KAZN: variants seen among roughly 807,000 people sequenced by gnomAD.
KAZN encodes the protein kazrin.
Under a neutral mutation model 87.4 loss-of-function variants are expected in KAZN, and 40 were observed. The ratio of observed to expected loss-of-function variants is 0.46; its 90% CI spans 0.36 to 0.60. The LOEUF (loss-of-function observed/expected upper bound fraction) is 0.60. Among genes scored for constraint, KAZN ranks in the 20% least tolerant of loss-of-function variants. The probability of loss-of-function intolerance (pLI) is 0.00; values close to 1 mark genes in which losing one functional copy is unlikely to be tolerated. For synonymous variants in KAZN, 466 were observed against 458.3 expected (o/e 1.02, Z -0.22); for missense variants, 898 against 1,073.9 (o/e 0.84, Z 2.29).
chr1:14,742,246 C>G (rs976504535), intron 1 of KAZN, among the ~76,000 whole-genome samples: 13 of 152,194 alleles, frequency 8.5e-5, no homozygotes, highest in African/African-American at 2.2e-4. Context: ...GGGCCTGGCT[C>G]ATAGTAGGCA....
chr1:14,640,578 G>A (rs1680341767), intron 1 of KAZN, among the ~76,000 whole-genome samples: 1 of 152,148 alleles, frequency 6.6e-6, no homozygotes, highest in Non-Finnish European at 1.5e-5. Context: ...CTTTCCAGAA[G>A]TACTCATCCA....
At chr1:14,913,724 G>A (rs1657494018) in intron 1 of KAZN, among the ~76,000 whole-genome samples, 1 of 152,252 alleles carries the variant, frequency 6.6e-6, no homozygotes, top group Non-Finnish European at 1.5e-5. Context: ...CAGGGGTGGT[G>A]GGGGCCCTGT....
chr1:14,204,093 G>A lies in KAZN; in HGVS notation c.249+23501G>A, dbSNP rs188076605. On this transcript the variant is annotated intron_variant, in intron 2 of 16. Coordinates refer to the KAZN transcript ENST00000636203. ...TTATGGGTTACTGCTTTTGGAGAAG[G>A]AAAAGAGATTGGAAGTAGGATAGTG... 6.9e-3 allele frequency among the ~76,000 whole-genome samples: 1,056 copies of A among 152,332 alleles called. 8 individuals carry two copies. Among genetic ancestry groups the A allele is most frequent in the Non-Finnish European group, 0.01 (709 of 68,026 alleles).
rs72865741 is a variant in KAZN at position 14,220,380 on chromosome 1, C to T, written c.249+39788C>T. Reference sequence around the variant, plus strand: ...TAGCTTCTCCGCTTCCTGGTCCTGACTTAGAATCTTTGAGTCATCCCTAAC... The same window carrying T: ...TAGCTTCTCCGCTTCCTGGTCCTGATTTAGAATCTTTGAGTCATCCCTAAC... On this transcript the variant is annotated intron_variant, in intron 2 of 16. Coordinates refer to the KAZN transcript ENST00000636203. Among the ~76,000 whole-genome samples, 1,183 of 152,292 alleles carry T rather than the reference C, an allele frequency of 7.8e-3. 21 individuals are homozygous for T. Among genetic ancestry groups the T allele is most frequent in the African/African-American group, 0.027 (1,123 of 41,554 alleles).
intron 1 of KAZN, among the ~76,000 whole-genome samples, chr1:14,659,874 C>G: frequency 6.7e-6 from 1 of 150,146 alleles, no homozygotes; most frequent in East Asian, 1.9e-4. Flanking sequence ...AAACAATACA[C>G]ATTCTTTAAA....
chr1:13,940,496 A>G (rs1029225698), intron 1 of KAZN, among the ~76,000 whole-genome samples: 2 of 152,028 alleles, frequency 1.3e-5, no homozygotes, highest in Non-Finnish European at 2.9e-5. Context: ...TACCTTTATC[A>G]TTTTTGATTG....
chr1:14,552,145 A>G (rs1271356624), intron 2 of KAZN, among the ~76,000 whole-genome samples: 5 of 152,208 alleles, frequency 3.3e-5, no homozygotes, highest in Non-Finnish European at 7.3e-5. Flanking sequence ...AGTTTAAAGT[A>G]TAGATGGCTG....
chr1:14,392,612 T>C (rs1007632742), intron 2 of KAZN, among the ~76,000 whole-genome samples: 2 of 152,190 alleles, frequency 1.3e-5, no homozygotes, highest in African/African-American at 2.4e-5. Flanking sequence ...TTCTTTGTTG[T>C]GGGAGTGTCC....
chr1:14,071,216 G>A (rs963280529), intron 1 of KAZN, among the ~76,000 whole-genome samples: 2 of 152,284 alleles, frequency 1.3e-5, no homozygotes, highest in Admixed American at 6.5e-5. Context: ...CTTGCCTGCA[G>A]TTAAATGGAC....
At chr1:14,707,963 C>T (rs1011968497) in intron 1 of KAZN, among the ~76,000 whole-genome samples, 2 of 152,086 alleles carry the variant, frequency 1.3e-5, no homozygotes, top group East Asian at 1.9e-4. Flanking sequence ...ATGAATCACC[C>T]GGCCAAGCAT....
At chr1:14,431,066 A>T (rs1320134670) in intron 2 of KAZN, among the ~76,000 whole-genome samples, 1 of 152,224 alleles carries the variant, frequency 6.6e-6, no homozygotes, top group Non-Finnish European at 1.5e-5. Flanking sequence ...ATAAATGCTT[A>T]TTGAGTAATT....
chr1:14,629,795 G>A (rs771722201), intron 1 of KAZN, among the ~76,000 whole-genome samples: 5 of 152,100 alleles, frequency 3.3e-5, no homozygotes, highest in African/African-American at 4.8e-5. Flanking sequence ...CACTAGGGCC[G>A]GGTTGTTCTG....
chr1:13,962,363 G>C (rs1257021657), intron 1 of KAZN, among the ~76,000 whole-genome samples: 2 of 152,060 alleles, frequency 1.3e-5, no homozygotes, highest in Admixed American at 6.5e-5. Context: ...TTGGCCTTGA[G>C]GATGAAGGCA....
chr1:14,349,641 G>C (rs375253762), intron 2 of KAZN, among the ~76,000 whole-genome samples: 1 of 152,118 alleles, frequency 6.6e-6, no homozygotes, highest in Non-Finnish European at 1.5e-5. Context: ...GGCCCCTATA[G>C]ACATTTGAGT....
At position 14,364,064 on chromosome 1, in the gene KAZN, G is replaced by A. The variant is rs113081136; in HGVS notation, c.249+183472G>A. Among the ~76,000 whole-genome samples, 738 of 151,464 alleles carry A rather than the reference G, an allele frequency of 4.9e-3. 5 individuals carry two copies. The highest frequency in any genetic ancestry group is 0.017 in the African/African-American group (703 of 41,226). ...TCTTTTGCCTCAGTACCGTTTTCATGTGGGATGTGGTTTAGGAACTGCGTT... is the reference window on the plus strand; with the variant it reads ...TCTTTTGCCTCAGTACCGTTTTCATATGGGATGTGGTTTAGGAACTGCGTT... On this transcript the variant is annotated intron_variant, in intron 2 of 16. Coordinates refer to the KAZN transcript ENST00000636203.
At chr1:14,073,159 G>A (rs939645783) in intron 1 of KAZN, among the ~76,000 whole-genome samples, 6 of 152,178 alleles carry the variant, frequency 3.9e-5, no homozygotes, top group Non-Finnish European at 8.8e-5. Flanking sequence ...GAAAGAAAGA[G>A]AAGAGGCTAT....
intron 2 of KAZN, among the ~76,000 whole-genome samples, chr1:15,023,935 G>GT (rs1670934902): frequency 2.0e-5 from 3 of 152,128 alleles, no homozygotes; most frequent in Admixed American, 2.0e-4. Flanking sequence ...AGATTCCAGA[G>GT]TTTAAGGCCA....
intron 1 of KAZN, among the ~76,000 whole-genome samples, chr1:14,008,763 C>T (rs1640149449): frequency 6.6e-6 from 1 of 152,174 alleles, no homozygotes; most frequent in Non-Finnish European, 1.5e-5. Flanking sequence ...TATATTCACT[C>T]ATTTAATTTT....
chr1:14,334,696 G>A (rs1657103096), intron 2 of KAZN, among the ~76,000 whole-genome samples: 1 of 152,204 alleles, frequency 6.6e-6, no homozygotes, highest in African/African-American at 2.4e-5. Context: ...GCTGGGGCTG[G>A]GGAATCTGCT....
Sources: allele counts gnomAD v4.1 joint callset (sites outside exome capture counted in the v4.1 genomes callset), GRCh38; gene constraint gnomAD v4.1.1; transcripts MANE v1.5; gene names NCBI Gene and HGNC (gene_info 2026-07-23, HGNC 2026-07-21).